The following WDPCP variants were observed in gnomAD, a reference collection of about 807,000 sequenced individuals.
WDPCP encodes WD repeat containing planar cell polarity effector.
A neutral mutation model predicts 93.1 loss-of-function variants in WDPCP; 71 were observed. That is an observed-to-expected ratio of 0.76 (90% CI 0.63 to 0.93). The LOEUF (loss-of-function observed/expected upper bound fraction) is 0.93. Ranked by LOEUF, WDPCP falls within the 40% of genes least tolerant of loss-of-function variation. The probability of loss-of-function intolerance (pLI) is 0.00; values close to 1 mark genes in which losing one functional copy is unlikely to be tolerated. For missense variants in WDPCP, 844 were observed against 887.4 expected, an observed-to-expected ratio of 0.95 and a Z score of 0.62; for synonymous variants, 315 against 315.0, an observed-to-expected ratio of 1.00 and a Z score of 0.00.
At chr2:63,612,703 T>C (rs1251229148) in intron 3 of WDPCP, among the ~76,000 whole-genome samples, 1 of 152,226 alleles carries the variant, frequency 6.6e-6, no homozygotes. Context: ...GTGAAGATGC[T>C]ATATAAACTC....
At chr2:63,699,023 T>A (rs761160306) in intron 2 of WDPCP, among the ~76,000 whole-genome samples, 5 of 152,164 alleles carry the variant, frequency 3.3e-5, no homozygotes, top group African/African-American at 1.2e-4. Flanking sequence ...CAGTGACTCA[T>A]CTGAGCAAAC....
intron 14 of WDPCP, chr2:63,228,387 C>CTTTTTTT: frequency 2.3e-4 from 25 of 110,366 alleles, no homozygotes; most frequent in East Asian, 8.2e-4. Context: ...TTTTCTTTTT[C>CTTTTTTT]TTTTTTTTTT....
chr2:63,736,253 A>C (rs1482295260), intron 2 of WDPCP, among the ~76,000 whole-genome samples: 1 of 152,248 alleles, frequency 6.6e-6, no homozygotes, highest in Non-Finnish European at 1.5e-5. Flanking sequence ...CTTTTAGTTC[A>C]CATGGGCTTA....
chr2:63,589,205 C>T (rs1416420918), upstream of WDPCP: 1 of 1,586,402 alleles, frequency 6.3e-7, no homozygotes, highest in Non-Finnish European at 8.6e-7. Flanking sequence ...CCGCAGTGAC[C>T]CAGTAATGGG....
chr2:63,338,292 C>G (rs1688536588), intron 12 of WDPCP, among the ~76,000 whole-genome samples: 1 of 151,990 alleles, frequency 6.6e-6, no homozygotes, highest in Non-Finnish European at 1.5e-5. Context: ...GCCCATAATC[C>G]CAGCACTTTG....
At chr2:63,428,877 T>C (rs1453771116) in intron 9 of WDPCP, among the ~76,000 whole-genome samples, 1 of 152,146 alleles carries the variant, frequency 6.6e-6, no homozygotes, top group Admixed American at 6.5e-5. Flanking sequence ...GAAATACTGC[T>C]GAAAGAAATC....
intron 10 of WDPCP, among the ~76,000 whole-genome samples, chr2:63,397,358 G>T (rs1431586252): frequency 6.6e-6 from 1 of 152,046 alleles, no homozygotes; most frequent in East Asian, 1.9e-4. Context: ...GGTCTGGAGA[G>T]AAAAAAGATG....
chr2:63,584,869 A>G (rs1708734795), intron 1 of WDPCP, among the ~76,000 whole-genome samples: 1 of 152,222 alleles, frequency 6.6e-6, no homozygotes, highest in Non-Finnish European at 1.5e-5. Flanking sequence ...AAGGTTAGGT[A>G]GCTCATACTT....
intron 12 of WDPCP, among the ~76,000 whole-genome samples, chr2:63,330,919 G>A (rs913270577): frequency 1.2e-4 from 18 of 149,726 alleles, no homozygotes; most frequent in Non-Finnish European, 2.7e-4. Context: ...CACCCAGGTG[G>A]GAATGCAGAG....
At chr2:63,212,265 T>C (rs1391046792) in intron 14 of WDPCP, among the ~76,000 whole-genome samples, 2 of 152,124 alleles carry the variant, frequency 1.3e-5, no homozygotes, top group Admixed American at 1.3e-4. Flanking sequence ...TAACAGCAGA[T>C]CTCTTCACAG....
chr2:63,812,513 AT>A (rs1311399767), intron 2 of WDPCP, among the ~76,000 whole-genome samples: 3 of 152,176 alleles, frequency 2.0e-5, no homozygotes, highest in Non-Finnish European at 4.4e-5. Context: ...AGCTGAACTA[AT>A]TTACATTCCC....
intron 2 of WDPCP, among the ~76,000 whole-genome samples, chr2:63,714,477 A>G (rs1404711340): frequency 6.6e-6 from 1 of 152,204 alleles, no homozygotes; most frequent in Non-Finnish European, 1.5e-5. Context: ...AAATAAAAAT[A>G]GAAAAATAGT....
chr2:63,823,288 A>C (rs1671052399), intron 1 of WDPCP, among the ~76,000 whole-genome samples: 1 of 151,792 alleles, frequency 6.6e-6, no homozygotes, highest in Non-Finnish European at 1.5e-5. Flanking sequence ...TGGACAGATC[A>C]TGAGATCAGG....
At chr2:63,826,181 A>G (rs192897241) in intron 1 of WDPCP, among the ~76,000 whole-genome samples, 3 of 152,152 alleles carry the variant, frequency 2.0e-5, no homozygotes, top group Admixed American at 2.0e-4. Flanking sequence ...ATTAACAAGT[A>G]TGGTGTCTTA....
At chr2:63,708,796 C>G (rs1003133211) in intron 2 of WDPCP, among the ~76,000 whole-genome samples, 3 of 151,890 alleles carry the variant, frequency 2.0e-5, no homozygotes, top group Admixed American at 2.0e-4. Context: ...ATTTTTAGTA[C>G]AGACAGGGTT....
In WDPCP at chr2:63,404,172, A is replaced by T; in HGVS notation, c.1311T>A (p.Ser437Arg). Residue 437 changes from serine (S) to arginine (R), a missense_variant, in exon 10 of 18, where the codon AGT becomes AGA. Physicochemically the swap from Ser to Arg is moderately radical, Grantham distance 110. Coordinates refer to ENST00000272321, the MANE Select transcript of WDPCP (RefSeq NM_015910.7). ...QFSKLFDASS[S>R]LVQMQWIAPQ... ...GAGCTATCCATTGCATTTGAACAAG[A>T]CTGCTGGAGGCATCAAATAATTTAC... 3.1e-6 allele frequency: 5 copies of T among 1,614,112 alleles called. No individual in the cohort carries two copies. The highest frequency in any genetic ancestry group is 4.2e-6 in the Non-Finnish European group (5 of 1,179,988).
At chr2:63,554,887 G>A (rs967041117) in intron 1 of WDPCP, among the ~76,000 whole-genome samples, 1 of 152,132 alleles carries the variant, frequency 6.6e-6, no homozygotes, top group Non-Finnish European at 1.5e-5. Context: ...CTACATGGGG[G>A]AAAGGAAGCT....
At chr2:63,173,141 AC>A (rs2103996204) in intron 15 of WDPCP, among the ~76,000 whole-genome samples, 1 of 152,092 alleles carries the variant, frequency 6.6e-6, no homozygotes, top group African/African-American at 2.4e-5. Context: ...AGTGGTGGGC[AC>A]CTGTAATCCC....
chr2:63,717,400 T>A (rs917887637), intron 2 of WDPCP: 4 of 417,968 alleles, frequency 9.6e-6, no homozygotes, highest in Admixed American at 2.9e-5. Flanking sequence ...AGTGTCTGTT[T>A]TTTTAAGGTC....
Sources: allele counts gnomAD v4.1 joint callset (sites outside exome capture counted in the v4.1 genomes callset), GRCh38; gene constraint gnomAD v4.1.1; transcripts MANE v1.5; gene names NCBI Gene and HGNC (gene_info 2026-07-23, HGNC 2026-07-21).